ADAM22: variants seen among roughly 807,000 people sequenced by gnomAD.
The protein encoded by ADAM22 is disintegrin and metalloproteinase domain-containing protein 22.
ADAM22 carries 65 observed loss-of-function variants against 144.6 expected under a neutral mutation model. The ratio of observed to expected loss-of-function variants is 0.45; its 90% CI spans 0.37 to 0.55. The LOEUF is 0.55. Among genes scored for constraint, ADAM22 ranks in the 20% least tolerant of loss-of-function variants. The pLI is 0.00. For missense variants in ADAM22, 974 were observed against 1,184.9 expected (o/e 0.82, Z 2.61); for synonymous variants, 391 against 412.6 (o/e 0.95, Z 0.63).
At position 87,935,193 on chromosome 7, in the gene ADAM22, G is replaced by A; in HGVS notation, c.246+7G>A. ...CGACCTCGGTGGCCCGCAGGTGAGA[G>A]GCTCGGTCCGGGAGGTGGTCCTCCG... On this transcript the variant is annotated splice_region_variant and intron_variant, in intron 2 of 31. Coordinates refer to ENST00000413139, the MANE Select transcript of ADAM22 (RefSeq NM_001324418.2). The A allele has an allele frequency of 1.9e-6, 3 of 1,589,956 alleles. No homozygotes were observed. Among genetic ancestry groups the A allele is most frequent in the African/African-American group, 1.3e-5 (1 of 74,724 alleles).
chr7:88,149,116 C>A, intron 18 of ADAM22, 59 bp downstream of exon 18: 1 of 1,138,260 alleles, frequency 8.8e-7, no homozygotes, highest in Non-Finnish European at 1.3e-6. Flanking sequence ...ATCTTTAGTG[C>A]ACTGACCCTC....
chr7:87,965,755 G>T (rs1032985332), intron 2 of ADAM22, among the ~76,000 whole-genome samples: 3 of 152,176 alleles, frequency 2.0e-5, no homozygotes, highest in Admixed American at 6.5e-5. Flanking sequence ...TTGATGTGAA[G>T]AACTCACCAT....
At chr7:88,043,596 T>C (rs1352291202) in intron 3 of ADAM22, among the ~76,000 whole-genome samples, 2 of 151,896 alleles carry the variant, frequency 1.3e-5, no homozygotes, top group Non-Finnish European at 2.9e-5. Context: ...TAGTCCCAGC[T>C]AGTTGGGAAG....
At chr7:88,155,810 T>A in intron 21 of ADAM22, 77 bp from the exon 22 acceptor site, 1 of 1,510,320 alleles carries the variant, frequency 6.6e-7, no homozygotes, top group Non-Finnish European at 8.9e-7. Context: ...AATGCTAAAA[T>A]GAGAGAAGAT....
At chr7:88,125,385 TG>T (rs775956357) in intron 7 of ADAM22, among the ~76,000 whole-genome samples, 12 of 151,974 alleles carry the variant, frequency 7.9e-5, no homozygotes, top group Non-Finnish European at 1.0e-4. Context: ...ACAGAAATAA[TG>T]TTCTAGATTT....
In ADAM22 at chr7:88,131,849, CT is replaced by C. The variant is rs1831881346; in HGVS notation, c.992+421del. 9 of 169,742 alleles carry C rather than the reference CT, an allele frequency of 5.3e-5. No individual in the cohort carries two copies. The South Asian group carries it at 1.4e-3, about 26-fold the overall frequency. The allele number at this position is 169,742 out of a possible 1,614,324, so 10.5% of individuals were successfully genotyped here. Reference sequence around the variant, plus strand: ...TTTAATTTTTTCTCACTCTTATGTTCTTTTTTTGATAGCATGCATATTTGAC... The same window carrying C: ...TTTAATTTTTTCTCACTCTTATGTTCTTTTTTGATAGCATGCATATTTGAC... On this transcript the variant is annotated intron_variant, in intron 11 of 31. Coordinates refer to ENST00000413139, the MANE Select transcript of ADAM22 (RefSeq NM_001324418.2).
At chr7:88,177,435 AAAAG>A (rs1257426325) in intron 26 of ADAM22, among the ~76,000 whole-genome samples, 9 of 152,112 alleles carry the variant, frequency 5.9e-5, no homozygotes, top group African/African-American at 2.2e-4. Flanking sequence ...TATACTGGGG[AAAAG>A]AAAGAATAAC....
chr7:88,019,612 C>A (rs1360775627), intron 3 of ADAM22, among the ~76,000 whole-genome samples: 1 of 152,130 alleles, frequency 6.6e-6, no homozygotes, highest in African/African-American at 2.4e-5. Flanking sequence ...CTTTGGGAGG[C>A]CAAGGCAGGT....
chr7:88,167,932 A>G (rs1843313095), intron 24 of ADAM22, among the ~76,000 whole-genome samples: 1 of 152,220 alleles, frequency 6.6e-6, no homozygotes, highest in African/African-American at 2.4e-5. Context: ...CTTGGACAAG[A>G]ATTAAAAAGG....
At chr7:88,191,699 G>A (rs1469724270) in intron 30 of ADAM22, among the ~76,000 whole-genome samples, 1 of 152,152 alleles carries the variant, frequency 6.6e-6, no homozygotes, top group Non-Finnish European at 1.5e-5. Flanking sequence ...ACTAGTATTA[G>A]TTACACCCAT....
chr7:88,130,731 A>C (rs191582319), intron 10 of ADAM22, among the ~76,000 whole-genome samples: 293 of 152,262 alleles, frequency 1.9e-3, no homozygotes, highest in African/African-American at 6.6e-3. Context: ...CCCCTAACAA[A>C]GGTATTCACA....
At chr7:88,174,826 T>C (rs1014816755) in intron 26 of ADAM22, among the ~76,000 whole-genome samples, 2 of 152,164 alleles carry the variant, frequency 1.3e-5, no homozygotes, top group African/African-American at 4.8e-5. Flanking sequence ...TCACCTGTTT[T>C]AGCCACTTTA....
intron 3 of ADAM22, among the ~76,000 whole-genome samples, chr7:88,035,340 A>G (rs921517286): frequency 2.0e-5 from 3 of 152,242 alleles, no homozygotes; most frequent in Non-Finnish European, 2.9e-5. Flanking sequence ...AGTTGTGTCA[A>G]TTGCTATACC....
At chr7:87,982,569 G>A (rs1414388262) in intron 3 of ADAM22, among the ~76,000 whole-genome samples, 1 of 147,944 alleles carries the variant, frequency 6.8e-6, no homozygotes, top group Admixed American at 6.8e-5. Context: ...TTGGGTGAAA[G>A]TCTAAACAGA....
chr7:88,192,182 T>C (rs1005511639), intron 30 of ADAM22, among the ~76,000 whole-genome samples: 3 of 152,212 alleles, frequency 2.0e-5, no homozygotes, highest in African/African-American at 4.8e-5. Flanking sequence ...GGTGGCAGTG[T>C]AACCAGTTCA....
At chr7:88,004,497 T>TGAAA (rs1478524328) in intron 3 of ADAM22, among the ~76,000 whole-genome samples, 3 of 152,346 alleles carry the variant, frequency 2.0e-5, no homozygotes, top group African/African-American at 7.2e-5. Context: ...TTCTAAATGA[T>TGAAA]GAAAGCACTT....
At chr7:87,987,110 A>AT (rs1386779526) in intron 3 of ADAM22, among the ~76,000 whole-genome samples, 2 of 152,174 alleles carry the variant, frequency 1.3e-5, no homozygotes, top group Non-Finnish European at 2.9e-5. Flanking sequence ...TTTTACAGTG[A>AT]TTAGATGTGT....
At chr7:87,971,616 G>A (rs1637496) in intron 2 of ADAM22, among the ~76,000 whole-genome samples, 87,294 of 151,492 alleles carry the variant, frequency 0.58, 25,802 homozygotes, top group African/African-American at 0.7. Context: ...TATCTGTGAG[G>A]GGTATTACTA....
chr7:87,991,791 A>G (rs1789964142), intron 3 of ADAM22, among the ~76,000 whole-genome samples: 1 of 152,218 alleles, frequency 6.6e-6, no homozygotes, highest in South Asian at 2.1e-4. Context: ...AAGATCTCAG[A>G]AATAGCTATT....
Sources: allele counts gnomAD v4.1 joint callset (sites outside exome capture counted in the v4.1 genomes callset), GRCh38; gene constraint gnomAD v4.1.1; transcripts MANE v1.5; gene names NCBI Gene and HGNC (gene_info 2026-07-23, HGNC 2026-07-21).